The following SEC63 variants were observed in gnomAD, a reference collection of about 807,000 sequenced individuals.
The protein encoded by SEC63 is SEC63 protein translocation regulator.
A neutral mutation model predicts 116.2 loss-of-function variants in SEC63; 56 were observed. The ratio of observed to expected loss-of-function variants is 0.48; its 90% confidence interval spans 0.39 to 0.60. The LOEUF (loss-of-function observed/expected upper bound fraction) is 0.60, where lower values mean the gene tolerates loss of function less well. SEC63 is among the 20% of genes least tolerant of loss of function. SEC63 has a pLI of 0.00. For missense variants in SEC63, 668 were observed against 900.0 expected (o/e 0.74, Z 3.30); for synonymous variants, 273 against 294.6 (o/e 0.93, Z 0.75).
intron 7 of SEC63, among the ~76,000 whole-genome samples, chr6:107,910,384 C>G (rs148566915): frequency 3.9e-5 from 6 of 152,120 alleles, no homozygotes; most frequent in Non-Finnish European, 8.8e-5. Flanking sequence ...GGAGGATTTG[C>G]TTGAACCCAG....
chr6:107,939,682 G>T (rs1175709758), intron 1 of SEC63, among the ~76,000 whole-genome samples: 1 of 152,052 alleles, frequency 6.6e-6, no homozygotes, highest in Non-Finnish European at 1.5e-5. Flanking sequence ...GCTGCAGTGA[G>T]CCAAGATCAC....
chr6:107,915,127 G>C (rs960173802), intron 4 of SEC63, among the ~76,000 whole-genome samples: 3 of 152,116 alleles, frequency 2.0e-5, no homozygotes, highest in African/African-American at 7.2e-5. Flanking sequence ...CGTAATTTTA[G>C]TATAATTCAC....
chr6:107,913,853 T>G lies in SEC63; in HGVS notation c.453-426A>C, dbSNP rs141618593. ...ATTAGTAATGATAAATACACATTTT[T>G]TAAAAACATAAATTTAATTCATAAT... On this transcript the variant is annotated intron_variant, in intron 4 of 20. Coordinates refer to ENST00000369002, the MANE Select transcript of SEC63 (RefSeq NM_007214.5). Among the ~76,000 whole-genome samples, 629 of 152,320 alleles carry G rather than the reference T, an allele frequency of 4.1e-3. 3 individuals carry two copies. Among genetic ancestry groups the G allele is most frequent in the African/African-American group, 0.014 (590 of 41,580 alleles).
chr6:107,931,749 C>CA lies in SEC63; in HGVS notation c.125-2236dup, dbSNP rs34648738. On this transcript the variant is annotated intron_variant, in intron 1 of 20. Transcript: ENST00000369002. ...GTGACAGAGCAAGACTCCGTCTCAA[C>CA]AAAAAAAAAAAAAATCAAGTTTTGA... 8.5e-4 allele frequency: 123 copies of CA among 144,230 alleles called. 1 individual carries two copies. Among genetic ancestry groups the CA allele is most frequent in the East Asian group, 7.6e-3 (37 of 4,886 alleles). The allele number at this position is 144,230 out of a possible 1,614,324, so 8.9% of individuals were successfully genotyped here. A position where few individuals can be genotyped will look rare whatever the true frequency, so the allele number is the denominator to read the frequency against.
chr6:107,882,947 T>G (rs997705930), intron 17 of SEC63, 41 bp downstream of exon 17: 1 of 1,325,378 alleles, frequency 7.5e-7, no homozygotes, highest in African/African-American at 1.4e-5. Flanking sequence ...ATCAGAGATA[T>G]AATTCCAATT....
chr6:107,935,674 C>A (rs1365985830), intron 1 of SEC63, among the ~76,000 whole-genome samples: 2 of 148,430 alleles, frequency 1.3e-5, no homozygotes, highest in African/African-American at 5.0e-5. Flanking sequence ...GGGTCCTCTG[C>A]CTAGGAAAAC....
chr6:107,906,708 G>C lies in SEC63; in HGVS notation c.803C>G (p.Pro268Arg), dbSNP rs754210672. The C allele has an allele frequency of 6.2e-7, 1 of 1,613,762 alleles. No homozygotes were observed. The highest frequency in any genetic ancestry group is 8.5e-7 in the Non-Finnish European group (1 of 1,179,784). Residue 268 changes from proline to arginine, a missense_variant, in exon 9 of 21, where the codon CCA becomes CGA. Pro to Arg is a moderately radical substitution (Grantham distance 103). Around this residue, in one of 5 missense-constraint regions of SEC63, gnomAD observed 430 missense variants for 557.5 expected, o/e 0.77. Transcript: ENST00000369002. ...CTGTGGTATTAGAATATTATCCGTT[G>C]GTCTGCTTGTGGCATCTTTATTATA... ...PQYNKDATSR[P>R]TDNILIPQLI... is the part of the protein sequence containing the mutation.
Position 107,871,623 on chromosome 6 carries a change from T to C in SEC63, c.*81A>G. On this transcript the variant is annotated 3_prime_UTR_variant, in exon 21 of 21. Transcript: ENST00000369002. Reference sequence around the variant, plus strand: ...ACCTCCCTCAACATCAGTTCTGTACTGTTTCTGGTTTATGATACACTTCCA... The same window carrying C: ...ACCTCCCTCAACATCAGTTCTGTACCGTTTCTGGTTTATGATACACTTCCA... 7.4e-7 allele frequency: 1 copy of C among 1,343,582 alleles called. No individual in the cohort carries two copies. The highest frequency in any genetic ancestry group is 1.2e-5 in the South Asian group (1 of 85,422). The allele number at this position is 1,343,582 out of a possible 1,614,324, so 83.2% of individuals were successfully genotyped here.
At chr6:107,935,787 TAAAAAAAA>T (rs1770233901) in intron 1 of SEC63, among the ~76,000 whole-genome samples, 1 of 147,790 alleles carries the variant, frequency 6.8e-6, no homozygotes, top group African/African-American at 2.5e-5. Flanking sequence ...AATGATCAAT[TAAAAAAAA>T]TAAAATAAAA....
intron 17 of SEC63, 26 bp from the exon 18 acceptor site, chr6:107,881,276 T>G (rs754834382): frequency 6.9e-7 from 1 of 1,459,776 alleles, no homozygotes; most frequent in Non-Finnish European, 9.6e-7. Flanking sequence ...ATTAAAATAT[T>G]TAAAATCTAG....
chr6:107,884,235 A>G (rs1484276951), intron 16 of SEC63, among the ~76,000 whole-genome samples: 1 of 137,194 alleles, frequency 7.3e-6, no homozygotes, highest in Non-Finnish European at 1.6e-5. Context: ...TGGGTAACAG[A>G]GCATGACTCT....
chr6:107,876,911 G>A, intron 18 of SEC63: 1 of 419,052 alleles, frequency 2.4e-6, no homozygotes. Context: ...CCTATTGATT[G>A]GCCTTCATAT....
chr6:107,897,628 A>T, intron 14 of SEC63, 21 bp downstream of exon 14: 1 of 1,472,590 alleles, frequency 6.8e-7, no homozygotes, highest in Non-Finnish European at 9.5e-7. Context: ...TAAAGCATAA[A>T]AATACAGATA....
At position 107,904,650 on chromosome 6, in the gene SEC63, C is replaced by T; in HGVS notation, c.1033G>A (p.Val345Ile). Residue 345 changes from valine to isoleucine, a missense_variant, in exon 11 of 21, where the codon GTA becomes ATA. Transcript: ENST00000369002. ...TCACCTTCACGGTTCCGGGCCATTA[C>T]TATTAGTTGGCAGATTACATTAACC... is the stretch of plus-strand genomic sequence containing the variant. ...EMVNVICQLI[V>I]MARNREEREF... 3.1e-6 allele frequency: 5 copies of T among 1,612,708 alleles called. No individual in the cohort carries two copies. Among genetic ancestry groups the T allele is most frequent in the Non-Finnish European group, 4.2e-6 (5 of 1,178,756 alleles).
intron 8 of SEC63, among the ~76,000 whole-genome samples, chr6:107,907,241 T>G (rs1480143889): frequency 1.3e-5 from 2 of 152,190 alleles, no homozygotes; most frequent in African/African-American, 4.8e-5. Flanking sequence ...AAAATTTTAT[T>G]ATGGAACCCA....
intron 16 of SEC63, among the ~76,000 whole-genome samples, chr6:107,893,014 C>T (rs2744208): frequency 0.87 from 132,160 of 152,098 alleles, 57,587 homozygotes; most frequent in Middle Eastern, 0.92. Flanking sequence ...GCATAGCACC[C>T]TTTATTCATA....
chr6:107,907,912 A>C (rs1787180100), intron 8 of SEC63, among the ~76,000 whole-genome samples: 3 of 152,244 alleles, frequency 2.0e-5, no homozygotes, highest in Admixed American at 2.0e-4. Flanking sequence ...AGAAACAGAA[A>C]TCAAAATGAT....
chr6:107,921,095 C>T (rs1230882518), intron 4 of SEC63, among the ~76,000 whole-genome samples: 9 of 151,636 alleles, frequency 5.9e-5, no homozygotes, highest in Non-Finnish European at 8.8e-5. Flanking sequence ...AAGAAAAAGA[C>T]ACCAAAAATG....
intron 9 of SEC63, 36 bp downstream of exon 9, chr6:107,906,642 TACTTA>T: frequency 6.2e-7 from 1 of 1,604,046 alleles, no homozygotes; most frequent in Admixed American, 1.7e-5. Flanking sequence ...TTCACTTTAA[TACTTA>T]ACTGCTCATC....
Sources: gnomAD v4.1 joint callset for allele counts (sites outside exome capture counted in the v4.1 genomes callset) on GRCh38, gnomAD v4.1.1 for gene constraint, gnomAD v4.1.1 regional missense constraint, MANE v1.5 for transcripts, NCBI Gene and HGNC (gene_info 2026-07-23, HGNC 2026-07-21) for gene names.